MAP4: variants seen among roughly 807,000 people sequenced by gnomAD.
MAP4 encodes microtubule associated protein 4, also known as microtubule-associated protein 4.
A neutral mutation model predicts 170.2 loss-of-function variants in MAP4; 76 were observed. The observed-to-expected ratio is 0.45, with a 90% CI of 0.37 to 0.54. MAP4 has a LOEUF of 0.54. MAP4 is among the 20% of genes least tolerant of loss of function. The pLI is 0.00. For synonymous variants in MAP4, 909 were observed against 994.5 expected, an observed-to-expected ratio of 0.91 and a Z score of 1.62; for missense variants, 2,506 against 2,748.0, an observed-to-expected ratio of 0.91 and a Z score of 1.97.
intron 1 of MAP4, among the ~76,000 whole-genome samples, chr3:48,062,508 A>AAC (rs1225704342): frequency 6.7e-6 from 1 of 150,370 alleles, no homozygotes; most frequent in East Asian, 1.9e-4. Flanking sequence ...AAAAAAAAAA[A>AAC]AAAAAAAAAC....
intron 4 of MAP4, among the ~76,000 whole-genome samples, chr3:47,925,039 T>C (rs1409444282): frequency 6.6e-6 from 1 of 152,164 alleles, no homozygotes; most frequent in Non-Finnish European, 1.5e-5. Flanking sequence ...CTCCATCTCT[T>C]GACCTCGTGA....
chr3:47,883,368 GTA>G (rs2097096772), intron 10 of MAP4, among the ~76,000 whole-genome samples: 1 of 152,040 alleles, frequency 6.6e-6, no homozygotes, highest in Non-Finnish European at 1.5e-5. Flanking sequence ...GGGATTACAG[GTA>G]TGCGTCACCA....
At chr3:47,953,551 A>T (rs2100065869) in intron 3 of MAP4, among the ~76,000 whole-genome samples, 1 of 152,160 alleles carries the variant, frequency 6.6e-6, no homozygotes, top group African/African-American at 2.4e-5. Flanking sequence ...TTCTTTAAAA[A>T]AGAGTCCACT....
rs962840621 is a variant in MAP4, at chr3:47,912,060, T to C, written c.2361A>G (p.Gly787=). The change falls in exon 9 of 21, where the codon GGA becomes GGG. Residue 787 remains glycine, a synonymous_variant. Transcript: ENST00000683076. ...QKRYSQPRAG[G]PSDDDNADKP... The stretch of plus-strand genomic sequence containing the variant: ...TATCTGCATTGTCATCATCCGAAGG[T>C]CCTCCAGCCCGTGGTTGAGAATATC... The C allele has an allele frequency of 3.9e-6, 6 of 1,536,064 alleles. No homozygotes were observed. The African/African-American group carries it at 8.2e-5, about 21-fold the overall frequency.
intron 10 of MAP4, chr3:47,892,129 C>T (rs1390253226): frequency 3.9e-6 from 6 of 1,536,088 alleles, no homozygotes; most frequent in East Asian, 2.4e-5. Flanking sequence ...TCTGGTGTAC[C>T]GAGTTCCCCT....
chr3:47,906,278 T>TTTA, intron 9 of MAP4, among the ~76,000 whole-genome samples: 1 of 152,190 alleles, frequency 6.6e-6, no homozygotes, highest in Non-Finnish European at 1.5e-5. Flanking sequence ...GGAGCCCCTT[T>TTTA]TTATTACACA....
intron 10 of MAP4, among the ~76,000 whole-genome samples, chr3:47,884,884 C>G (rs751896500): frequency 2.6e-5 from 4 of 152,182 alleles, no homozygotes; most frequent in Admixed American, 6.5e-5. Flanking sequence ...ATAGAAGCCA[C>G]TGGTGCTGTT....
At chr3:47,887,552 G>A (rs957055310) in intron 10 of MAP4, among the ~76,000 whole-genome samples, 3 of 152,140 alleles carry the variant, frequency 2.0e-5, no homozygotes, top group Non-Finnish European at 2.9e-5. Flanking sequence ...GCTCCACGGC[G>A]CCCAGTCCCA....
chr3:47,958,095 C>A (rs556396110), intron 3 of MAP4, among the ~76,000 whole-genome samples: 1 of 152,308 alleles, frequency 6.6e-6, no homozygotes, highest in South Asian at 2.1e-4. Context: ...ACAGGCTGAA[C>A]CTACTGGTTG....
Position 47,985,051 on chromosome 3 carries a change from G to T in MAP4, c.224-7118C>A, listed in dbSNP as rs911280376. Among the ~76,000 whole-genome samples, 4 of 151,592 alleles carry T rather than the reference G, an allele frequency of 2.6e-5. No individual in the cohort carries two copies. The South Asian group carries it at 8.4e-4, about 32-fold the overall frequency. On this transcript the variant is annotated intron_variant, in intron 2 of 20. Transcript: ENST00000683076. The stretch of plus-strand genomic sequence containing the variant: ...TCCCAGCACTTTGGGAGGCAGAGGT[G>T]GGTGAATCACCTGAGGTCAGGAGTT...
In MAP4 at chr3:47,909,046, T is replaced by G. The variant is rs148338101; in HGVS notation, c.5375A>C (p.Lys1792Thr). Residue 1792 changes from lysine (K) to threonine (T), a missense_variant, in exon 9 of 21, where the codon AAG becomes ACG. Coordinates refer to ENST00000683076, the MANE Select transcript of MAP4 (RefSeq NM_001385682.1). ...CCATGGCAGGTTCATACCAGCGGAC[T>G]TCAGTTGCTTATGTCTCTCTTGTTC... Reference protein sequence around the residue: ...IQEQERHKQLKSAVCLSSSTV... With the variant: ...IQEQERHKQLTSAVCLSSSTV... 2.0e-5 allele frequency: 33 copies of G among 1,612,700 alleles called. No homozygotes were observed. The Middle Eastern group carries it at 6.6e-4, about 32-fold the overall frequency.
At chr3:48,053,932 C>T (rs1339116297) in intron 1 of MAP4, among the ~76,000 whole-genome samples, 2 of 151,710 alleles carry the variant, frequency 1.3e-5, no homozygotes, top group Non-Finnish European at 2.9e-5. Context: ...AAATGTTATT[C>T]TCTTTTATAA....
intron 10 of MAP4, among the ~76,000 whole-genome samples, chr3:47,893,453 T>A (rs1240762035): frequency 6.6e-6 from 1 of 152,190 alleles, no homozygotes; most frequent in Admixed American, 6.5e-5. Flanking sequence ...ACTTAGGGAC[T>A]CTAACAATTG....
At chr3:47,927,892 C>G (rs2100046983) in intron 4 of MAP4, among the ~76,000 whole-genome samples, 1 of 152,206 alleles carries the variant, frequency 6.6e-6, no homozygotes, top group African/African-American at 2.4e-5. Context: ...AAGGCTCTAG[C>G]ACTGTGCCTG....
At chr3:47,989,913 T>A (rs556605499) in intron 2 of MAP4, among the ~76,000 whole-genome samples, 2 of 152,298 alleles carry the variant, frequency 1.3e-5, no homozygotes, top group Non-Finnish European at 2.9e-5. Context: ...TTTTTTTTTT[T>A]AGAAACTAAT....
intron 1 of MAP4, among the ~76,000 whole-genome samples, chr3:48,069,225 T>C (rs188110990): frequency 3.0e-4 from 45 of 152,350 alleles, no homozygotes; most frequent in Non-Finnish European, 3.8e-4. Context: ...GTAATTTCCA[T>C]TGAAAACATC....
At chr3:47,864,349 T>G (rs2075507999) in intron 17 of MAP4, among the ~76,000 whole-genome samples, 1 of 152,128 alleles carries the variant, frequency 6.6e-6, no homozygotes, top group Non-Finnish European at 1.5e-5. Flanking sequence ...GAGACCAGCC[T>G]GCCCAATATA....
chr3:47,897,528 T>C (rs9855149), intron 10 of MAP4, among the ~76,000 whole-genome samples: 13,249 of 152,162 alleles, frequency 0.087, 1,907 homozygotes, highest in African/African-American at 0.3. Context: ...TAATACACAG[T>C]ATGCATACAC....
At chr3:47,930,301 C>T (rs1300615891) in intron 3 of MAP4, among the ~76,000 whole-genome samples, 2 of 150,676 alleles carry the variant, frequency 1.3e-5, no homozygotes, top group South Asian at 2.1e-4. Context: ...AAAAATTAGC[C>T]GGGCGCGGTG....
Sources: gnomAD v4.1 joint callset for allele counts (sites outside exome capture counted in the v4.1 genomes callset) on GRCh38, gnomAD v4.1.1 for gene constraint, MANE v1.5 for transcripts, NCBI Gene and HGNC (gene_info 2026-07-23, HGNC 2026-07-21) for gene names.